Variants in CHRDL1 observed in about 807,000 individuals in gnomAD.
CHRDL1 encodes the protein chordin like 1, also known as chordin-like protein 1.
CHRDL1 carries 19 observed loss-of-function variants against 40.9 expected under a neutral mutation model. That is an observed-to-expected ratio of 0.46 (90% CI 0.32 to 0.68). The LOEUF (loss-of-function observed/expected upper bound fraction) is 0.68, where lower values mean the gene tolerates loss of function less well. CHRDL1 is among the 30% of genes least tolerant of loss of function. The pLI, the probability that CHRDL1 is intolerant of heterozygous loss-of-function variation, is 0.03. For synonymous variants in CHRDL1, 136 were observed against 123.4 expected, an observed-to-expected ratio of 1.10 and a Z score of -0.68; for missense variants, 329 against 352.1, an observed-to-expected ratio of 0.93 and a Z score of 0.53.
chrX:110,793,977 G>A (rs1008801499), intron 1 of CHRDL1, among the ~76,000 whole-genome samples: 2 of 112,139 alleles, frequency 1.8e-5, no homozygotes, highest in Non-Finnish European at 3.8e-5. Flanking sequence ...TCATCTGTGT[G>A]GCCTCCCAGG....
intron 1 of CHRDL1, among the ~76,000 whole-genome samples, chrX:110,794,800 G>A (rs2090157010): frequency 8.9e-6 from 1 of 112,164 alleles, no homozygotes; most frequent in Non-Finnish European, 1.9e-5. Flanking sequence ...ATCCTCCTGA[G>A]AGGCTTGACT....
At chrX:110,700,568 G>T (rs1438418656) in intron 7 of CHRDL1, 86 bp downstream of exon 7, 6 of 641,737 alleles carry the variant, frequency 9.3e-6, no homozygotes, top group Admixed American at 8.6e-5. Context: ...CCTTTTTTTT[G>T]GATTTGCTAG....
intron 6 of CHRDL1, among the ~76,000 whole-genome samples, chrX:110,703,897 G>A (rs761087525): frequency 9.0e-5 from 10 of 111,701 alleles, no homozygotes; most frequent in African/African-American, 2.9e-4. Flanking sequence ...CAAGCAAGGT[G>A]TGGCTTGAGT....
At chrX:110,757,405 A>C (rs771873131) in intron 4 of CHRDL1, among the ~76,000 whole-genome samples, 10 of 111,364 alleles carry the variant, frequency 9.0e-5, no homozygotes, top group Non-Finnish European at 1.7e-4. Context: ...GAACCCGCAA[A>C]AGAACTACAA....
At chrX:110,791,566 G>T (rs776826100) in intron 2 of CHRDL1, among the ~76,000 whole-genome samples, 4 of 112,268 alleles carry the variant, frequency 3.6e-5, no homozygotes, top group Non-Finnish European at 7.5e-5. Context: ...TTTGCTAACG[G>T]TCCCTGGAAT....
chrX:110,793,327 C>T (rs919076754), intron 1 of CHRDL1, among the ~76,000 whole-genome samples: 4 of 112,183 alleles, frequency 3.6e-5, no homozygotes, highest in Admixed American at 9.4e-5. Context: ...CATTCAAAAT[C>T]CACTGTTTCA....
At chrX:110,686,891 C>CAAAAAAAAAAAAAAAAAA (rs754055781) in intron 9 of CHRDL1, among the ~76,000 whole-genome samples, 1 of 85,355 alleles carries the variant, frequency 1.2e-5, no homozygotes, top group Non-Finnish European at 2.2e-5. Context: ...CTCAAAAAAA[C>CAAAAAAAAAAAAAAAAAA]AAAAAATAAA....
At chrX:110,709,321 T>C (rs1448899526) in intron 6 of CHRDL1, among the ~76,000 whole-genome samples, 1 of 112,262 alleles carries the variant, frequency 8.9e-6, no homozygotes, top group Non-Finnish European at 1.9e-5. Flanking sequence ...AATACCCGGC[T>C]TAAGGGACTC....
intron 4 of CHRDL1, among the ~76,000 whole-genome samples, chrX:110,733,206 G>C (rs1311781228): frequency 8.9e-6 from 1 of 111,894 alleles, no homozygotes. Context: ...TAGTCTTGCA[G>C]TGTCAGTCAA....
At chrX:110,681,749 T>C (rs996198733) in intron 9 of CHRDL1, 100 bp from the exon 10 acceptor site, 8 of 595,612 alleles carry the variant, frequency 1.3e-5, no homozygotes, top group Middle Eastern at 3.4e-4. Context: ...CTCACACTTA[T>C]CAAAAGTGGA....
At chrX:110,698,744 A>G (rs2070452863) in intron 7 of CHRDL1, among the ~76,000 whole-genome samples, 1 of 112,456 alleles carries the variant, frequency 8.9e-6, no homozygotes, top group Non-Finnish European at 1.9e-5. Context: ...TCAAGAAGAA[A>G]GGCTAATTCA....
At position 110,703,973 on chromosome X, in the gene CHRDL1, G is replaced by A. The variant is rs1351740275; in HGVS notation, c.542-3252C>T. Among the ~76,000 whole-genome samples, 2 of 111,350 alleles carry A rather than the reference G, an allele frequency of 1.8e-5. 1 individual carries two copies. Among genetic ancestry groups the A allele is most frequent in the South Asian group, 7.6e-4 (2 of 2,645 alleles). On this transcript the variant is annotated intron_variant, in intron 6 of 11. Transcript: ENST00000372042. ...ATTGAACTTGTAGAGAGAAAGGGAGGAGAGGGAGAGCGAAGGAGGGAGGGA... is the reference window on the plus strand; with the variant it reads ...ATTGAACTTGTAGAGAGAAAGGGAGAAGAGGGAGAGCGAAGGAGGGAGGGA...
chrX:110,681,445 C>T (rs199601621), intron 10 of CHRDL1, 37 bp downstream of exon 10: 245 of 1,144,375 alleles, frequency 2.1e-4, no homozygotes, highest in Admixed American at 9.2e-4. Flanking sequence ...TTCTGTGCCC[C>T]CTTACAAAGA....
At chrX:110,785,215 G>A (rs1289789720) in intron 2 of CHRDL1, among the ~76,000 whole-genome samples, 4 of 111,393 alleles carry the variant, frequency 3.6e-5, no homozygotes, top group Non-Finnish European at 5.7e-5. Flanking sequence ...TGTCTAAACC[G>A]CCCAGCTTTC....
At chrX:110,741,310 A>G (rs2071355962) in intron 4 of CHRDL1, among the ~76,000 whole-genome samples, 1 of 111,858 alleles carries the variant, frequency 8.9e-6, no homozygotes, top group Non-Finnish European at 1.9e-5. Context: ...TGGGTATAGG[A>G]TCTGAACAAA....
rs1000394790 is a variant in CHRDL1, at chrX:110,746,535, C to A, written c.301+13126G>T. Among the ~76,000 whole-genome samples the A allele has an allele frequency of 2.7e-5, 3 of 110,723 alleles. No individual in the cohort carries two copies. The South Asian group carries it at 1.2e-3, about 44-fold the overall frequency. Reference sequence around the variant, plus strand: ...ATTGTGCGGCATACTCACACAGGCACCTCTGAAAATCTAATCAGAAGGAAA... The same window carrying A: ...ATTGTGCGGCATACTCACACAGGCAACTCTGAAAATCTAATCAGAAGGAAA... On this transcript the variant is annotated intron_variant, in intron 4 of 11. Transcript: ENST00000372042.
intron 8 of CHRDL1, among the ~76,000 whole-genome samples, chrX:110,689,905 C>A (rs868434956): frequency 7.2e-4 from 9 of 12,579 alleles, no homozygotes; most frequent in African/African-American, 1.9e-3. Context: ...CTATATATAT[C>A]TATATATCTA....
At position 110,674,148 on chromosome X, in the gene CHRDL1, C is replaced by G. The variant is rs1360691541; in HGVS notation, c.*2083G>C. The G allele has an allele frequency of 9.0e-6, 1 of 111,394 alleles. No homozygotes were observed. Among genetic ancestry groups the G allele is most frequent in the Non-Finnish European group, 1.9e-5 (1 of 53,077 alleles). The allele number at this position is 111,394 out of a possible 1,213,427, so 9.2% of individuals were successfully genotyped here. ...TGGCCTCTTTACCCTATGTCCTATTCTCTACACAACACCAAACACTGGAGG... is the reference window on the plus strand; with the variant it reads ...TGGCCTCTTTACCCTATGTCCTATTGTCTACACAACACCAAACACTGGAGG... On this transcript the variant is annotated 3_prime_UTR_variant, in exon 12 of 12. Transcript: ENST00000372042.
chrX:110,740,829 G>A (rs2071346770), intron 4 of CHRDL1, among the ~76,000 whole-genome samples: 1 of 112,051 alleles, frequency 8.9e-6, no homozygotes, highest in South Asian at 3.8e-4. Context: ...TAGAACAGGG[G>A]TTATAGGCCA....
Sources: allele counts gnomAD v4.1 joint callset (sites outside exome capture counted in the v4.1 genomes callset), GRCh38; gene constraint gnomAD v4.1.1; transcripts MANE v1.5; gene names NCBI Gene and HGNC (gene_info 2026-07-23, HGNC 2026-07-21).